The following ITGA8 variants were observed in gnomAD, a reference collection of about 807,000 sequenced individuals.
The protein encoded by ITGA8 is integrin subunit alpha 8.
A neutral mutation model predicts 142.3 loss-of-function variants in ITGA8; 91 were observed. That is an observed-to-expected ratio of 0.64 (90% CI 0.54 to 0.76). The LOEUF (loss-of-function observed/expected upper bound fraction) is 0.76. Ranked by LOEUF, ITGA8 falls within the 30% of genes least tolerant of loss-of-function variation. ITGA8 has a pLI of 0.00. For synonymous variants in ITGA8, 505 were observed against 485.2 expected, an observed-to-expected ratio of 1.04 and a Z score of -0.54; for missense variants, 1,406 against 1,327.7, an observed-to-expected ratio of 1.06 and a Z score of -0.92.
intron 2 of ITGA8, among the ~76,000 whole-genome samples, chr10:15,688,932 C>A (rs974837657): frequency 6.6e-6 from 1 of 152,176 alleles, no homozygotes; most frequent in African/African-American, 2.4e-5. Context: ...CCTCTAAGAT[C>A]AGGAACAAAT....
intron 13 of ITGA8, among the ~76,000 whole-genome samples, chr10:15,629,063 C>T (rs978425342): frequency 6.6e-6 from 1 of 151,820 alleles, no homozygotes; most frequent in East Asian, 1.9e-4. Flanking sequence ...ACTCACGGCG[C>T]TTTTTCCATC....
At chr10:15,656,125 T>C (rs768837667) in intron 10 of ITGA8, among the ~76,000 whole-genome samples, 1 of 152,104 alleles carries the variant, frequency 6.6e-6, no homozygotes, top group Non-Finnish European at 1.5e-5. Flanking sequence ...CCAAACTCTC[T>C]GTGTTAGAGA....
chr10:15,608,577 T>C (rs1833240368), intron 15 of ITGA8, among the ~76,000 whole-genome samples: 1 of 152,168 alleles, frequency 6.6e-6, no homozygotes. Context: ...GTTGCTTTTA[T>C]TCAATGAATA....
At position 15,606,377 on chromosome 10, in the gene ITGA8, A is replaced by G; in HGVS notation, c.1810T>C (p.Leu604=). The G allele has an allele frequency of 1.2e-6, 2 of 1,609,448 alleles. No homozygotes were observed. Among genetic ancestry groups the G allele is most frequent in the Non-Finnish European group, 1.7e-6 (2 of 1,176,314 alleles). The change falls in exon 18 of 30, where the codon TTG becomes CTG. Residue 604 remains leucine, a synonymous_variant. Transcript: ENST00000378076. ...RDKLSPINIS[L]NYSLDESTFK... is the part of the protein sequence containing the mutation. ...GTGGATTCGTCCAAACTGTAATTCA[A>G]ACTAATGTTGATTGGAGATAATTTA...
chr10:15,521,708 C>A (rs777017983), intron 28 of ITGA8, among the ~76,000 whole-genome samples: 4 of 152,188 alleles, frequency 2.6e-5, no homozygotes, highest in Non-Finnish European at 5.9e-5. Flanking sequence ...CAGTCCATCA[C>A]CACGGTGACA....
At chr10:15,686,912 A>G (rs1400607115) in intron 3 of ITGA8, among the ~76,000 whole-genome samples, 1 of 152,220 alleles carries the variant, frequency 6.6e-6, no homozygotes, top group Non-Finnish European at 1.5e-5. Context: ...TTCAAGACAC[A>G]CAAAAAAATC....
chr10:15,578,728 T>TTG (rs1176629564), intron 23 of ITGA8, among the ~76,000 whole-genome samples: 1 of 152,088 alleles, frequency 6.6e-6, no homozygotes, highest in Non-Finnish European at 1.5e-5. Flanking sequence ...GCTGTTCATG[T>TTG]TTGTGGTCTC....
In ITGA8 at chr10:15,633,684, T is replaced by G. The variant is rs566775077; in HGVS notation, c.1399+10346A>C. 5.1e-3 allele frequency among the ~76,000 whole-genome samples: 774 copies of G among 152,274 alleles called. 3 individuals are homozygous for G. Among genetic ancestry groups the G allele is most frequent in the African/African-American group, 0.018 (731 of 41,552 alleles). ...ATCTGCCCACCTCAGCCTTCCAAAG[T>G]GCTGAGATTACAGGCACGAGCCACC... On this transcript the variant is annotated intron_variant, in intron 13 of 29. Transcript: ENST00000378076.
chr10:15,611,711 C>T (rs561573141), intron 15 of ITGA8, among the ~76,000 whole-genome samples: 1 of 150,630 alleles, frequency 6.6e-6, no homozygotes, highest in East Asian at 1.9e-4. Flanking sequence ...GATCTCCTGA[C>T]CTCGTGATCT....
At chr10:15,550,516 T>C (rs1243368688) in intron 26 of ITGA8, among the ~76,000 whole-genome samples, 1 of 152,172 alleles carries the variant, frequency 6.6e-6, no homozygotes, top group Non-Finnish European at 1.5e-5. Flanking sequence ...TAGCCAGCTC[T>C]GCTAGAGGAT....
intron 13 of ITGA8, among the ~76,000 whole-genome samples, chr10:15,629,431 CTATGT>C (rs1186408379): frequency 6.6e-6 from 1 of 152,024 alleles, no homozygotes; most frequent in Admixed American, 6.5e-5. Context: ...CCCATTTCAT[CTATGT>C]TATCTTATAT....
intron 20 of ITGA8, among the ~76,000 whole-genome samples, chr10:15,598,553 C>A (rs944854963): frequency 2.0e-5 from 3 of 152,126 alleles, no homozygotes; most frequent in African/African-American, 7.2e-5. Flanking sequence ...TTCAAGAAGG[C>A]AGAGGTTTTT....
At chr10:15,672,800 C>G (rs367911258) in intron 6 of ITGA8, 51 bp from the exon 7 acceptor site, 1 of 1,498,028 alleles carries the variant, frequency 6.7e-7, no homozygotes, top group Non-Finnish European at 8.9e-7. Context: ...AGAGGCAGGC[C>G]CTCCATGAGC....
At chr10:15,702,379 C>T (rs533155383) in intron 2 of ITGA8, among the ~76,000 whole-genome samples, 1 of 152,068 alleles carries the variant, frequency 6.6e-6, no homozygotes, top group South Asian at 2.1e-4. Flanking sequence ...CAACCTCCGC[C>T]TCCCGGATTC....
At chr10:15,546,195 C>T (rs111382769) in intron 27 of ITGA8, among the ~76,000 whole-genome samples, 8,346 of 152,188 alleles carry the variant, frequency 0.055, 728 homozygotes, top group African/African-American at 0.19. Context: ...GCCCTGATCT[C>T]CCTACACCAT....
chr10:15,540,664 A>G (rs1156658200), intron 27 of ITGA8, among the ~76,000 whole-genome samples: 4 of 152,190 alleles, frequency 2.6e-5, no homozygotes, highest in Non-Finnish European at 4.4e-5. Flanking sequence ...CTCATGGAAG[A>G]TTCTTCTGGT....
chr10:15,692,304 TTAAGTC>T (rs1436691242), intron 2 of ITGA8, among the ~76,000 whole-genome samples: 5 of 152,132 alleles, frequency 3.3e-5, no homozygotes, highest in Non-Finnish European at 5.9e-5. Context: ...TTCTCTTTGT[TTAAGTC>T]TAAGAGCATG....
intron 25 of ITGA8, 59 bp downstream of exon 25, chr10:15,572,152 A>AT (rs1365832163): frequency 3.5e-6 from 5 of 1,411,014 alleles, no homozygotes; most frequent in Admixed American, 4.4e-5. Context: ...CCCAGTTTGT[A>AT]TTTTTTTCAT....
intron 13 of ITGA8, among the ~76,000 whole-genome samples, chr10:15,619,272 A>C (rs1422316678): frequency 6.6e-6 from 1 of 152,184 alleles, no homozygotes; most frequent in East Asian, 1.9e-4. Flanking sequence ...ACCCAACCTA[A>C]GACACAATAA....
Sources: gnomAD v4.1 joint callset for allele counts (sites outside exome capture counted in the v4.1 genomes callset) on GRCh38, gnomAD v4.1.1 for gene constraint, MANE v1.5 for transcripts, NCBI Gene and HGNC (gene_info 2026-07-23, HGNC 2026-07-21) for gene names.